The following EXOC4 variants were observed in gnomAD, a reference collection of about 807,000 sequenced individuals.
EXOC4 encodes exocyst complex component 4.
A neutral mutation model predicts 107.2 loss-of-function variants in EXOC4; 71 were observed. The ratio of observed to expected loss-of-function variants is 0.66; its 90% confidence interval spans 0.55 to 0.81. The LOEUF (loss-of-function observed/expected upper bound fraction) is 0.81. Ranked by LOEUF, EXOC4 falls within the 30% of genes least tolerant of loss-of-function variation. The pLI is 0.00. For synonymous variants in EXOC4, 456 were observed against 441.2 expected, an observed-to-expected ratio of 1.03 and a Z score of -0.42; for missense variants, 1,108 against 1,189.6, an observed-to-expected ratio of 0.93 and a Z score of 1.01.
intron 7 of EXOC4, among the ~76,000 whole-genome samples, chr7:133,397,189 C>T (rs941597700): frequency 6.0e-5 from 9 of 150,876 alleles, no homozygotes; most frequent in Admixed American, 2.6e-4. Flanking sequence ...AGTGCAATGG[C>T]GTGATCTTCG....
intron 10 of EXOC4, among the ~76,000 whole-genome samples, chr7:133,809,129 G>A (rs1445056221): frequency 6.6e-6 from 1 of 152,044 alleles, no homozygotes; most frequent in African/African-American, 2.4e-5. Context: ...TGTTTTTACT[G>A]TTGTTTGCAT....
chr7:133,378,486 T>C (rs1314206045), intron 7 of EXOC4, among the ~76,000 whole-genome samples: 1 of 152,000 alleles, frequency 6.6e-6, no homozygotes, highest in African/African-American at 2.4e-5. Flanking sequence ...TTAAAATTTC[T>C]AAGTCAAAAA....
At chr7:133,338,486 G>T (rs1260712546) in intron 5 of EXOC4, among the ~76,000 whole-genome samples, 1 of 148,190 alleles carries the variant, frequency 6.7e-6, no homozygotes, top group Admixed American at 6.7e-5. Flanking sequence ...CCAGCTACTC[G>T]GGAGGCTGAG....
intron 9 of EXOC4, among the ~76,000 whole-genome samples, chr7:133,546,674 G>C (rs950270604): frequency 5.9e-5 from 9 of 151,954 alleles, no homozygotes; most frequent in Non-Finnish European, 1.3e-4. Context: ...TTTGCAGCCG[G>C]TCCATTTCCC....
intron 10 of EXOC4, among the ~76,000 whole-genome samples, chr7:133,765,274 T>C (rs1042249995): frequency 6.6e-6 from 1 of 152,084 alleles, no homozygotes; most frequent in African/African-American, 2.4e-5. Context: ...AACATTTAAA[T>C]GAAAGTGATC....
At chr7:133,578,093 C>A (rs529287249) in intron 9 of EXOC4, among the ~76,000 whole-genome samples, 1 of 152,220 alleles carries the variant, frequency 6.6e-6, no homozygotes, top group South Asian at 2.1e-4. Context: ...AATTATTACC[C>A]ATATTATTGT....
chr7:133,627,704 T>A (rs1211255931), intron 9 of EXOC4, among the ~76,000 whole-genome samples: 1 of 152,236 alleles, frequency 6.6e-6, no homozygotes, highest in East Asian at 1.9e-4. Context: ...TCAGTCTTCA[T>A]GCTTTCCTTA....
intron 10 of EXOC4, among the ~76,000 whole-genome samples, chr7:133,806,044 A>G (rs1298736793): frequency 1.3e-5 from 2 of 152,188 alleles, no homozygotes; most frequent in East Asian, 3.9e-4. Flanking sequence ...GCATGTGCTA[A>G]GTGGGTGATA....
intron 12 of EXOC4, among the ~76,000 whole-genome samples, chr7:133,914,875 T>C (rs1417878436): frequency 6.6e-6 from 1 of 152,138 alleles, no homozygotes; most frequent in African/African-American, 2.4e-5. Flanking sequence ...ACTTGACATC[T>C]ACAAGAACTA....
chr7:133,863,780 T>C (rs1798582274), intron 11 of EXOC4, among the ~76,000 whole-genome samples: 1 of 152,234 alleles, frequency 6.6e-6, no homozygotes, highest in Non-Finnish European at 1.5e-5. Flanking sequence ...GCTTTCTTGC[T>C]TAGAAAAACT....
chr7:133,336,454 C>T (rs1454359677), intron 5 of EXOC4, among the ~76,000 whole-genome samples: 1 of 152,128 alleles, frequency 6.6e-6, no homozygotes, highest in Non-Finnish European at 1.5e-5. Context: ...TCTGCATTCC[C>T]ACCACCAGTA....
At chr7:133,495,255 A>T (rs1218816678) in intron 9 of EXOC4, among the ~76,000 whole-genome samples, 8 of 144,820 alleles carry the variant, frequency 5.5e-5, no homozygotes, top group Non-Finnish European at 1.2e-4. Flanking sequence ...TGTCTCCAAT[A>T]AAAAAAAAAA....
intron 7 of EXOC4, among the ~76,000 whole-genome samples, chr7:133,465,083 GT>G (rs1346325696): frequency 2.6e-5 from 4 of 152,028 alleles, no homozygotes; most frequent in Admixed American, 6.6e-5. Flanking sequence ...GCCTCACAAA[GT>G]GTTAGGATTA....
rs149735639 is a variant in EXOC4 at position 133,311,764 on chromosome 7, T to C, written c.657-5520T>C. ...ATATAACGCTTTAATATCTAAAGCA[T>C]GCAGATATTTGTAAGCTCAGTAAAG... is the stretch of plus-strand genomic sequence containing the variant. On this transcript the variant is annotated intron_variant, in intron 4 of 17. Transcript: ENST00000253861. Among the ~76,000 whole-genome samples, 47 of 152,304 alleles carry C rather than the reference T, an allele frequency of 3.1e-4. 1 individual carries two copies. The East Asian group carries it at 7.9e-3, about 26-fold the overall frequency.
At chr7:133,631,573 T>TAA (rs1403882985) in intron 10 of EXOC4, among the ~76,000 whole-genome samples, 2 of 152,090 alleles carry the variant, frequency 1.3e-5, no homozygotes, top group Non-Finnish European at 2.9e-5. Flanking sequence ...TTATTGCCTT[T>TAA]AAGAAGTCTG....
At chr7:133,265,813 G>A (rs1367795460) in intron 1 of EXOC4, among the ~76,000 whole-genome samples, 2 of 152,164 alleles carry the variant, frequency 1.3e-5, no homozygotes, top group Non-Finnish European at 2.9e-5. Flanking sequence ...TTCTGCAGGT[G>A]TCGCCAAAAT....
chr7:133,451,789 A>G (rs1798353688), intron 7 of EXOC4, among the ~76,000 whole-genome samples: 1 of 152,162 alleles, frequency 6.6e-6, no homozygotes, highest in Admixed American at 6.6e-5. Context: ...GGTCTCCAGC[A>G]TGATACTAGT....
At chr7:133,789,266 C>CT (rs1796654445) in intron 10 of EXOC4, among the ~76,000 whole-genome samples, 1 of 152,120 alleles carries the variant, frequency 6.6e-6, no homozygotes, top group Non-Finnish European at 1.5e-5. Context: ...TTAGTTTATT[C>CT]TTTATCTAAA....
At chr7:133,419,565 A>AT (rs1157409116) in intron 7 of EXOC4, among the ~76,000 whole-genome samples, 1 of 152,092 alleles carries the variant, frequency 6.6e-6, no homozygotes, top group African/African-American at 2.4e-5. Context: ...TCAAGTATTT[A>AT]TTTGAGTATT....
Sources: gnomAD v4.1 joint callset for allele counts (sites outside exome capture counted in the v4.1 genomes callset) on GRCh38, gnomAD v4.1.1 for gene constraint, MANE v1.5 for transcripts, NCBI Gene and HGNC (gene_info 2026-07-23, HGNC 2026-07-21) for gene names.